The following LRRTM4 variants were observed in gnomAD, a reference collection of about 807,000 sequenced individuals.
LRRTM4 encodes the protein leucine-rich repeat transmembrane neuronal protein 4.
A neutral mutation model predicts 47.6 loss-of-function variants in LRRTM4; 25 were observed. That is an observed-to-expected ratio of 0.53 (90% confidence interval 0.38 to 0.73). The LOEUF is 0.73. Ranked by LOEUF, LRRTM4 falls within the 30% of genes least tolerant of loss-of-function variation. The probability of loss-of-function intolerance (pLI) is 0.00; values close to 1 mark genes in which losing one functional copy is unlikely to be tolerated. For synonymous variants in LRRTM4, 311 were observed against 269.5 expected (o/e 1.15, Z -1.51); for missense variants, 638 against 713.4 (o/e 0.89, Z 1.20).
At chr2:76,946,018 T>C (rs929094023) in intron 3 of LRRTM4, among the ~76,000 whole-genome samples, 2 of 151,914 alleles carry the variant, frequency 1.3e-5, no homozygotes, top group Non-Finnish European at 2.9e-5. Context: ...GAAATCTCAA[T>C]GCAATATCAC....
At chr2:76,756,430 C>T (rs1558634095) in intron 3 of LRRTM4, among the ~76,000 whole-genome samples, 1 of 152,134 alleles carries the variant, frequency 6.6e-6, no homozygotes, top group Non-Finnish European at 1.5e-5. Context: ...TGACCACTTA[C>T]TCAAGGCTTC....
chr2:77,068,921 A>T (rs1002112139), intron 3 of LRRTM4, among the ~76,000 whole-genome samples: 1 of 151,004 alleles, frequency 6.6e-6, no homozygotes, highest in African/African-American at 2.5e-5. Context: ...GGCATTCTTA[A>T]ACCACAAACA....
chr2:77,321,655 C>T (rs540652915), intron 3 of LRRTM4, among the ~76,000 whole-genome samples: 1 of 151,934 alleles, frequency 6.6e-6, no homozygotes, highest in South Asian at 2.1e-4. Flanking sequence ...GAAATATCCT[C>T]ATATTTTATA....
chr2:76,974,532 A>ATC (rs1292916684), intron 3 of LRRTM4, among the ~76,000 whole-genome samples: 4 of 151,308 alleles, frequency 2.6e-5, no homozygotes, highest in African/African-American at 4.8e-5. Context: ...ACACACATAT[A>ATC]GTGTATATGT....
At chr2:77,139,829 A>G (rs1468833543) in intron 3 of LRRTM4, among the ~76,000 whole-genome samples, 1 of 152,150 alleles carries the variant, frequency 6.6e-6, no homozygotes, top group Non-Finnish European at 1.5e-5. Flanking sequence ...ATACACCAAT[A>G]ACAGACAAAC....
At chr2:76,852,469 G>A (rs1672026132) in intron 3 of LRRTM4, among the ~76,000 whole-genome samples, 1 of 152,104 alleles carries the variant, frequency 6.6e-6, no homozygotes, top group Non-Finnish European at 1.5e-5. Context: ...AATTATAACA[G>A]ATTTCATCTA....
intron 3 of LRRTM4, among the ~76,000 whole-genome samples, chr2:77,142,000 G>A (rs959285739): frequency 6.6e-6 from 1 of 152,130 alleles, no homozygotes; most frequent in African/African-American, 2.4e-5. Flanking sequence ...TTTATGAGCA[G>A]TGCTAGACTC....
chr2:76,773,898 T>A lies in LRRTM4; in HGVS notation c.1552-24982A>T, dbSNP rs573282159. 1.9e-3 allele frequency among the ~76,000 whole-genome samples: 284 copies of A among 152,016 alleles called. 2 individuals carry two copies. Among genetic ancestry groups the A allele is most frequent in the Non-Finnish European group, 1.3e-3 (86 of 67,992 alleles). On this transcript the variant is annotated intron_variant, in intron 3 of 3. Transcript: ENST00000409884. ...TAAATTTTATTTACCTGGTATAACA[T>A]ATTTCCAGAATTCTTAAATTCCGTT...
chr2:76,968,342 A>ATG (rs1369235951), intron 3 of LRRTM4, among the ~76,000 whole-genome samples: 6 of 27,100 alleles, frequency 2.2e-4, no homozygotes, highest in Non-Finnish European at 3.5e-4. Context: ...GTATGTGTGT[A>ATG]TATATATATA....
intron 3 of LRRTM4, among the ~76,000 whole-genome samples, chr2:76,839,829 T>C (rs991644115): frequency 2.6e-5 from 4 of 152,072 alleles, no homozygotes; most frequent in Non-Finnish European, 4.4e-5. Flanking sequence ...CTTGTAAAAA[T>C]GCATAAAAAG....
chr2:76,994,683 CAG>C (rs1311772167), intron 3 of LRRTM4, among the ~76,000 whole-genome samples: 1 of 151,782 alleles, frequency 6.6e-6, no homozygotes, highest in African/African-American at 2.4e-5. Flanking sequence ...TCAAAATTAA[CAG>C]AATAAGATGA....
chr2:77,089,632 T>C (rs1475623091), intron 3 of LRRTM4, among the ~76,000 whole-genome samples: 2 of 151,950 alleles, frequency 1.3e-5, no homozygotes, highest in Non-Finnish European at 2.9e-5. Flanking sequence ...CTTCCTTCAC[T>C]ATGGGAACCT....
intron 3 of LRRTM4, among the ~76,000 whole-genome samples, chr2:77,429,351 A>G (rs1675258484): frequency 6.6e-6 from 1 of 152,168 alleles, no homozygotes; most frequent in East Asian, 1.9e-4. Context: ...ACTACTTAAT[A>G]TATATCCAAA....
chr2:76,986,243 G>C (rs766035880), intron 3 of LRRTM4, among the ~76,000 whole-genome samples: 10 of 150,042 alleles, frequency 6.7e-5, no homozygotes, highest in Non-Finnish European at 8.8e-5. Flanking sequence ...TGTTCTTTTA[G>C]TTGTAAAGGA....
intron 3 of LRRTM4, among the ~76,000 whole-genome samples, chr2:77,462,193 C>T (rs142784256): frequency 6.6e-6 from 1 of 152,090 alleles, no homozygotes; most frequent in East Asian, 1.9e-4. Context: ...TTGTCTTTTT[C>T]ACAGTATTGA....
chr2:76,906,643 T>C (rs902181787), intron 3 of LRRTM4, among the ~76,000 whole-genome samples: 5 of 151,820 alleles, frequency 3.3e-5, no homozygotes, highest in African/African-American at 1.2e-4. Context: ...AATAAAAGGA[T>C]GGAGGAAGAT....
intron 3 of LRRTM4, among the ~76,000 whole-genome samples, chr2:77,241,944 C>T (rs1219948526): frequency 6.6e-6 from 1 of 151,990 alleles, no homozygotes; most frequent in Non-Finnish European, 1.5e-5. Flanking sequence ...ATCAATTGAC[C>T]CTATGTGAAA....
chr2:77,479,682 C>T (rs1573470799), intron 3 of LRRTM4, among the ~76,000 whole-genome samples: 1 of 152,154 alleles, frequency 6.6e-6, no homozygotes, highest in Non-Finnish European at 1.5e-5. Flanking sequence ...ATTTCCTTCT[C>T]TCTCTCTCTC....
At chr2:76,768,846 G>A (rs1673565319) in intron 3 of LRRTM4, among the ~76,000 whole-genome samples, 1 of 152,110 alleles carries the variant, frequency 6.6e-6, no homozygotes, top group Non-Finnish European at 1.5e-5. Context: ...AAATATTTCT[G>A]AATGATTTGG....
Sources: gnomAD v4.1 joint callset for allele counts (sites outside exome capture counted in the v4.1 genomes callset) on GRCh38, gnomAD v4.1.1 for gene constraint, MANE v1.5 for transcripts, NCBI Gene and HGNC (gene_info 2026-07-23, HGNC 2026-07-21) for gene names.